The following NRG3 variants were observed in gnomAD, a reference collection of about 807,000 sequenced individuals.
NRG3 encodes the protein pro-neuregulin-3, membrane-bound isoform.
NRG3 carries 31 observed loss-of-function variants against 66.9 expected under a neutral mutation model. That is an observed-to-expected ratio of 0.46 (90% CI 0.35 to 0.63). NRG3 has a LOEUF of 0.63. Among genes scored for constraint, NRG3 ranks in the 20% least tolerant of loss-of-function variants. NRG3 has a pLI of 0.00. For synonymous variants in NRG3, 393 were observed against 359.4 expected, an observed-to-expected ratio of 1.09 and a Z score of -1.06; for missense variants, 910 against 878.9, an observed-to-expected ratio of 1.04 and a Z score of -0.45.
intron 1 of NRG3, among the ~76,000 whole-genome samples, chr10:82,200,299 A>G (rs188495664): frequency 2.0e-4 from 31 of 152,320 alleles, no homozygotes; most frequent in Non-Finnish European, 4.4e-4. Flanking sequence ...TGACTCCTGT[A>G]CCAGACTGGA....
intron 4 of NRG3, among the ~76,000 whole-genome samples, chr10:82,944,257 C>T (rs1848811564): frequency 6.6e-6 from 1 of 152,164 alleles, no homozygotes; most frequent in Admixed American, 6.5e-5. Context: ...AAACAAAAAA[C>T]ATACTGCATA....
chr10:82,173,616 T>C (rs1168477387), intron 1 of NRG3, among the ~76,000 whole-genome samples: 1 of 151,174 alleles, frequency 6.6e-6, no homozygotes, highest in Non-Finnish European at 1.5e-5. Context: ...CTAATGTCCA[T>C]AGGAGCCAAG....
chr10:82,004,079 T>C (rs1237511365), intron 1 of NRG3, among the ~76,000 whole-genome samples: 3 of 151,616 alleles, frequency 2.0e-5, no homozygotes, highest in African/African-American at 7.3e-5. Context: ...TTGTGAACCA[T>C]AAGTGGTCTT....
chr10:82,072,621 T>C (rs2064871280), intron 1 of NRG3, among the ~76,000 whole-genome samples: 1 of 152,120 alleles, frequency 6.6e-6, no homozygotes, highest in South Asian at 2.1e-4. Context: ...ATCTATACTT[T>C]AAAAATTTGC....
At chr10:82,667,060 G>T (rs1217536127) in intron 2 of NRG3, among the ~76,000 whole-genome samples, 1 of 152,138 alleles carries the variant, frequency 6.6e-6, no homozygotes, top group African/African-American at 2.4e-5. Flanking sequence ...TTCTGACTGG[G>T]GTCCACAGCA....
intron 3 of NRG3, among the ~76,000 whole-genome samples, chr10:82,828,526 G>A (rs887321330): frequency 6.6e-6 from 1 of 152,138 alleles, no homozygotes; most frequent in Non-Finnish European, 1.5e-5. Context: ...TTTAGAGGAA[G>A]TGCATAGATT....
intron 1 of NRG3, among the ~76,000 whole-genome samples, chr10:82,294,751 AT>A (rs2079961678): frequency 6.6e-6 from 1 of 151,804 alleles, no homozygotes; most frequent in Non-Finnish European, 1.5e-5. Context: ...ACATTTCTTT[AT>A]TTTTCACTCT....
chr10:82,043,942 G>T (rs909801587), intron 1 of NRG3, among the ~76,000 whole-genome samples: 1 of 151,980 alleles, frequency 6.6e-6, no homozygotes, highest in African/African-American at 2.4e-5. Flanking sequence ...GAAGTAAAGT[G>T]TTATCTGTAT....
chr10:82,058,569 T>C (rs755904884), intron 1 of NRG3, among the ~76,000 whole-genome samples: 1 of 150,818 alleles, frequency 6.6e-6, no homozygotes, highest in Non-Finnish European at 1.5e-5. Context: ...AATATATATT[T>C]ATAAATATAC....
At chr10:82,103,626 T>C (rs958420888) in intron 1 of NRG3, among the ~76,000 whole-genome samples, 1 of 152,194 alleles carries the variant, frequency 6.6e-6, no homozygotes, top group African/African-American at 2.4e-5. Flanking sequence ...ACATGCGTGT[T>C]CTACTTAGCA....
chr10:82,531,613 C>G (rs967921655), intron 2 of NRG3, among the ~76,000 whole-genome samples: 2 of 151,600 alleles, frequency 1.3e-5, no homozygotes, highest in Non-Finnish European at 3.0e-5. Flanking sequence ...CCAAAATATC[C>G]CAGTTTACAC....
At chr10:82,322,099 G>A (rs1244305243) in intron 1 of NRG3, among the ~76,000 whole-genome samples, 1 of 152,108 alleles carries the variant, frequency 6.6e-6, no homozygotes, top group African/African-American at 2.4e-5. Context: ...TCTAGGAATG[G>A]GTTGAATAAG....
intron 1 of NRG3, among the ~76,000 whole-genome samples, chr10:82,242,898 C>T (rs2077068270): frequency 6.6e-6 from 1 of 152,306 alleles, no homozygotes; most frequent in African/African-American, 2.4e-5. Context: ...ACTGATACAC[C>T]TTGGCTGAGT....
At chr10:82,604,841 G>A (rs1465825085) in intron 2 of NRG3, among the ~76,000 whole-genome samples, 2 of 152,022 alleles carry the variant, frequency 1.3e-5, no homozygotes, top group African/African-American at 4.8e-5. Flanking sequence ...ATGAGCTAGT[G>A]CAGATGGCAT....
Position 82,720,314 on chromosome 10 carries a change from C to T in NRG3, c.954-18263C>T, listed in dbSNP as rs567847129. Among the ~76,000 whole-genome samples, 4 of 151,860 alleles carry T rather than the reference C, an allele frequency of 2.6e-5. No homozygotes were observed. The East Asian group carries it at 7.8e-4, about 30-fold the overall frequency. On this transcript the variant is annotated intron_variant, in intron 2 of 8. Transcript: ENST00000372141. ...CTGAGGCAGGAGAATCCCTTGAACCCGGGAGGCAGAGGTTGCAGTGAGCTG... is the reference window on the plus strand; with the variant it reads ...CTGAGGCAGGAGAATCCCTTGAACCTGGGAGGCAGAGGTTGCAGTGAGCTG...
chr10:82,923,105 T>C (rs1182623428), intron 4 of NRG3, among the ~76,000 whole-genome samples: 1 of 152,200 alleles, frequency 6.6e-6, no homozygotes, highest in Non-Finnish European at 1.5e-5. Context: ...AACAAAGCCA[T>C]TCTAAAATAC....
At chr10:82,628,134 C>A (rs1373862970) in intron 2 of NRG3, among the ~76,000 whole-genome samples, 2 of 152,116 alleles carry the variant, frequency 1.3e-5, no homozygotes, top group South Asian at 2.1e-4. Context: ...TGGAGAGAGT[C>A]TCTCAATATC....
intron 1 of NRG3, among the ~76,000 whole-genome samples, chr10:82,153,736 TAC>T (rs1258716958): frequency 6.6e-6 from 1 of 151,974 alleles, no homozygotes; most frequent in Non-Finnish European, 1.5e-5. Flanking sequence ...TTATCTTTCG[TAC>T]TTTTGATATT....
chr10:82,650,726 C>A (rs2133886690), intron 2 of NRG3, among the ~76,000 whole-genome samples: 1 of 152,258 alleles, frequency 6.6e-6, no homozygotes, highest in South Asian at 2.1e-4. Flanking sequence ...TCTTGGTAAT[C>A]CAAAAGAACT....
Sources: allele counts gnomAD v4.1 joint callset (sites outside exome capture counted in the v4.1 genomes callset), GRCh38; gene constraint gnomAD v4.1.1; transcripts MANE v1.5; gene names NCBI Gene and HGNC (gene_info 2026-07-23, HGNC 2026-07-21).